The following OPRM1 variants were observed in gnomAD, a reference collection of about 807,000 sequenced individuals.
OPRM1 encodes the protein mu-type opioid receptor.
In OPRM1, 27 loss-of-function variants were observed where a neutral mutation model predicts 31.8. That is an observed-to-expected ratio of 0.85 (90% CI 0.63 to 1.17). OPRM1 has a LOEUF of 1.17. Ranked by LOEUF, OPRM1 falls within the 50% of genes most tolerant of loss-of-function variation. The pLI is 0.00. For synonymous variants in OPRM1, 196 were observed against 189.9 expected (o/e 1.03, Z -0.26); for missense variants, 536 against 511.1 (o/e 1.05, Z -0.47).
intron 3 of OPRM1, among the ~76,000 whole-genome samples, chr6:154,233,481 CCA>C (rs1347359706): frequency 1.3e-5 from 2 of 152,158 alleles, no homozygotes; most frequent in Middle Eastern, 3.4e-3. Context: ...AGATTTAGAT[CCA>C]GAGAGACTTT....
At chr6:154,221,025 T>C (rs1407080108) in intron 3 of OPRM1, among the ~76,000 whole-genome samples, 3 of 152,356 alleles carry the variant, frequency 2.0e-5, no homozygotes, top group African/African-American at 7.2e-5. Flanking sequence ...TCCACTCCTT[T>C]TTCAACTTAG....
At position 154,127,004 on chromosome 6, in the gene OPRM1, G is replaced by T. The variant is rs1027171461; in HGVS notation, c.*8283G>T. On this transcript the variant is annotated 3_prime_UTR_variant, in exon 4 of 4. Transcript: ENST00000330432. ...CACGCCTGTAATCCCAGCTAGTCGG[G>T]AGGCTGAGGCAGGAGAATTGCTTGA... Among the ~76,000 whole-genome samples the T allele has an allele frequency of 2.0e-5, 3 of 152,064 alleles. No homozygotes were observed. Among genetic ancestry groups the T allele is most frequent in the Non-Finnish European group, 2.9e-5 (2 of 68,006 alleles).
chr6:154,202,982 C>A (rs12529971), intron 3 of OPRM1, among the ~76,000 whole-genome samples: 3 of 152,212 alleles, frequency 2.0e-5, no homozygotes, highest in Non-Finnish European at 4.4e-5. Flanking sequence ...AATACAAATA[C>A]AAATGAAAGT....
At chr6:154,060,585 G>C (rs1784201320) in intron 1 of OPRM1, among the ~76,000 whole-genome samples, 1 of 152,142 alleles carries the variant, frequency 6.6e-6, no homozygotes, top group Admixed American at 6.6e-5. Context: ...TCCAGTAAAT[G>C]AGATTTTTGC....
At chr6:154,175,835 A>T (rs1360842158) in intron 3 of OPRM1, among the ~76,000 whole-genome samples, 1 of 152,180 alleles carries the variant, frequency 6.6e-6, no homozygotes. Context: ...GGCCAGCATC[A>T]TCCTGATACC....
Position 154,122,266 on chromosome 6 carries a change from T to G in OPRM1, c.*3545T>G, listed in dbSNP as rs1274097864. On this transcript the variant is annotated 3_prime_UTR_variant, in exon 4 of 4. Coordinates refer to ENST00000330432, the MANE Select transcript of OPRM1 (RefSeq NM_000914.5). The stretch of plus-strand genomic sequence containing the variant: ...AAATATCCACCAGCAGAAAATTGGT[T>G]TCTCAAGGAATCCCTACTGCCCTTG... Among the ~76,000 whole-genome samples, 1 of 152,202 alleles carries G rather than the reference T, an allele frequency of 6.6e-6. No homozygotes were observed. Among genetic ancestry groups the G allele is most frequent in the Non-Finnish European group, 1.5e-5 (1 of 68,022 alleles).
intron 1 of OPRM1, among the ~76,000 whole-genome samples, chr6:154,071,361 G>T (rs1786677212): frequency 6.6e-6 from 1 of 152,184 alleles, no homozygotes; most frequent in African/African-American, 2.4e-5. Context: ...GGCAGCAGCT[G>T]ATGTAGCTAC....
At chr6:154,193,646 G>C (rs1802129254) in intron 3 of OPRM1, among the ~76,000 whole-genome samples, 1 of 152,190 alleles carries the variant, frequency 6.6e-6, no homozygotes, top group Non-Finnish European at 1.5e-5. Context: ...TTATAAGAAA[G>C]AGAAGAAAAA....
In OPRM1 at chr6:154,097,599, G is replaced by GTGTA. The variant is rs1793614575; in HGVS notation, c.1164+6130_1164+6131insATGT. On this transcript the variant is annotated intron_variant, in intron 3 of 3. Transcript: ENST00000330432. ...AGAAAATGGTTCCGTGTGTGTGTGT[G>GTGTA]TGTGTGTGTGCGTGTGATATAGGCA... Among the ~76,000 whole-genome samples, 3 of 151,990 alleles carry GTGTA rather than the reference G, an allele frequency of 2.0e-5. No individual in the cohort carries two copies. The South Asian group carries it at 6.2e-4, about 32-fold the overall frequency.
rs1215468795 is a variant in OPRM1 at position 154,129,878 on chromosome 6, AC to A, written c.*11158del. ...CACACACACACACACACACACACACACACACACAACATAGTGAAATGGACCC... is the reference window on the plus strand; with the variant it reads ...CACACACACACACACACACACACACAACACACAACATAGTGAAATGGACCC... On this transcript the variant is annotated 3_prime_UTR_variant, in exon 4 of 4. Coordinates refer to ENST00000330432, the MANE Select transcript of OPRM1 (RefSeq NM_000914.5). Among the ~76,000 whole-genome samples, 2 of 148,668 alleles carry A rather than the reference AC, an allele frequency of 1.3e-5. No individual in the cohort carries two copies. Among genetic ancestry groups the A allele is most frequent in the African/African-American group, 4.9e-5 (2 of 40,782 alleles).
Position 154,121,325 on chromosome 6 carries a change from C to T in OPRM1, c.*2604C>T, listed in dbSNP as rs1797286168. 6.6e-6 allele frequency among the ~76,000 whole-genome samples: 1 copy of T among 152,144 alleles called. No individual in the cohort carries two copies. Among genetic ancestry groups the T allele is most frequent in the Admixed American group, 6.6e-5 (1 of 15,264 alleles). On this transcript the variant is annotated 3_prime_UTR_variant, in exon 4 of 4. Transcript: ENST00000330432. ...AGTCTCCACTGTTATTTTGCTCCTTCATCCCTCTTTCCTTGCCAATCATTA... is the reference window on the plus strand; with the variant it reads ...AGTCTCCACTGTTATTTTGCTCCTTTATCCCTCTTTCCTTGCCAATCATTA...
intron 3 of OPRM1, among the ~76,000 whole-genome samples, chr6:154,166,612 T>C (rs1799455042): frequency 6.6e-6 from 1 of 152,168 alleles, no homozygotes. Flanking sequence ...CCAGAGTATT[T>C]TTGCACTTCA....
rs10485058 is a variant in OPRM1 at position 154,124,080 on chromosome 6, A to G, written c.*5359A>G. On this transcript the variant is annotated 3_prime_UTR_variant, in exon 4 of 4. Coordinates refer to ENST00000330432, the MANE Select transcript of OPRM1 (RefSeq NM_000914.5). ...CACTTGAATTACAAATATAAGGACC[A>G]TTGACACTGAGATTTTAAGGGAGGA... 0.11 allele frequency among the ~76,000 whole-genome samples: 17,502 copies of G among 152,192 alleles called. 1,245 individuals carry two copies. Among genetic ancestry groups the G allele is most frequent in the Non-Finnish European group, 0.14 (9,787 of 67,992 alleles).
At chr6:154,158,253 A>ATTTG (rs1798792849) in intron 3 of OPRM1, 2 of 152,176 alleles carry the variant, frequency 1.3e-5, no homozygotes, top group South Asian at 4.1e-4. Flanking sequence ...TGTGTGAACA[A>ATTTG]TTTGTTACGG....
intron 3 of OPRM1, among the ~76,000 whole-genome samples, chr6:154,182,112 A>G (rs1452381882): frequency 6.6e-6 from 1 of 152,236 alleles, no homozygotes; most frequent in Non-Finnish European, 1.5e-5. Flanking sequence ...AACTGAACAT[A>G]TTAAGAGAAA....
chr6:154,113,970 G>T (rs1562485205), intron 3 of OPRM1, among the ~76,000 whole-genome samples: 1 of 152,236 alleles, frequency 6.6e-6, no homozygotes, highest in East Asian at 1.9e-4. Context: ...GGATGCCAAG[G>T]GGTACCTCCA....
intron 1 of OPRM1, among the ~76,000 whole-genome samples, chr6:154,079,043 A>C (rs888628566): frequency 6.6e-6 from 1 of 152,198 alleles, no homozygotes; most frequent in African/African-American, 2.4e-5. Flanking sequence ...ATTTGAGAGG[A>C]TAGGAGAAAG....
chr6:154,135,965 C>T (rs548681989), downstream of OPRM1, among the ~76,000 whole-genome samples: 1 of 152,222 alleles, frequency 6.6e-6, no homozygotes, highest in African/African-American at 2.4e-5. Context: ...AAACTCAAAA[C>T]TTTGCTGGGC....
intron 3 of OPRM1, among the ~76,000 whole-genome samples, chr6:154,093,737 G>C (rs993446352): frequency 6.6e-6 from 1 of 152,194 alleles, no homozygotes; most frequent in South Asian, 2.1e-4. Flanking sequence ...ACAGAAGAGA[G>C]GCTGCCAGGA....
Sources: allele counts gnomAD v4.1 joint callset (sites outside exome capture counted in the v4.1 genomes callset), GRCh38; gene constraint gnomAD v4.1.1; transcripts MANE v1.5; gene names NCBI Gene and HGNC (gene_info 2026-07-23, HGNC 2026-07-21).